Variants in SLC35F3 observed in about 807,000 individuals in gnomAD.
The protein encoded by SLC35F3 is solute carrier family 35 member F3.
A neutral mutation model predicts 49.9 loss-of-function variants in SLC35F3; 25 were observed. The ratio of observed to expected loss-of-function variants is 0.50; its 90% confidence interval spans 0.37 to 0.70. The LOEUF (loss-of-function observed/expected upper bound fraction) is 0.70. Ranked by LOEUF, SLC35F3 falls within the 30% of genes least tolerant of loss-of-function variation. The pLI is 0.00. For synonymous variants in SLC35F3, 275 were observed against 265.4 expected (o/e 1.04, Z -0.35); for missense variants, 525 against 639.8 (o/e 0.82, Z 1.94).
chr1:234,302,055 G>A (rs1668701115), intron 3 of SLC35F3, among the ~76,000 whole-genome samples: 1 of 152,262 alleles, frequency 6.6e-6, no homozygotes, highest in East Asian at 1.9e-4. Flanking sequence ...GAGGGATGAG[G>A]GAAGGGAACT....
chr1:234,304,006 C>T (rs1466890213), intron 3 of SLC35F3, among the ~76,000 whole-genome samples: 2 of 54,926 alleles, frequency 3.6e-5, no homozygotes, highest in Non-Finnish European at 6.8e-5. Context: ...TTTATCCTTC[C>T]TTCCTTCCTT....
intron 2 of SLC35F3, among the ~76,000 whole-genome samples, chr1:234,107,334 G>A (rs1004103241): frequency 3.3e-5 from 5 of 152,218 alleles, no homozygotes; most frequent in East Asian, 3.8e-4. Flanking sequence ...AGGTGTGGCT[G>A]TATAATCCCA....
At chr1:233,965,651 G>A (rs1007535504) in intron 2 of SLC35F3, among the ~76,000 whole-genome samples, 13 of 152,194 alleles carry the variant, frequency 8.5e-5, no homozygotes, top group African/African-American at 2.4e-4. Context: ...AGAAATAAAT[G>A]CTGCCAATAA....
chr1:234,076,044 A>G (rs750187004), intron 2 of SLC35F3, among the ~76,000 whole-genome samples: 3 of 152,156 alleles, frequency 2.0e-5, no homozygotes, highest in Non-Finnish European at 2.9e-5. Flanking sequence ...TCTTCTGGGT[A>G]TGTTCTTAAC....
At chr1:233,999,251 C>T (rs1030889624) in intron 2 of SLC35F3, among the ~76,000 whole-genome samples, 1 of 152,106 alleles carries the variant, frequency 6.6e-6, no homozygotes, top group Non-Finnish European at 1.5e-5. Flanking sequence ...ATATAAACTC[C>T]AGGATATTTT....
At chr1:234,261,324 A>G (rs1158344504) in intron 3 of SLC35F3, among the ~76,000 whole-genome samples, 1 of 152,218 alleles carries the variant, frequency 6.6e-6, no homozygotes, top group Non-Finnish European at 1.5e-5. Flanking sequence ...TATGGTAAAC[A>G]AGGGGTGGTT....
rs1168398409 is a variant in SLC35F3 at position 234,197,338 on chromosome 1, GA to G, written c.284-34078del. On this transcript the variant is annotated intron_variant, in intron 2 of 7. Transcript: ENST00000366618. ...AGGGGGAGGGGAAGGCCATCTGGGG[GA>G]TAAGGCTTTGTGCTGTTAGAAACTC... Among the ~76,000 whole-genome samples the G allele has an allele frequency of 2.0e-5, 3 of 152,284 alleles. No homozygotes were observed. The East Asian group carries it at 5.8e-4, about 29-fold the overall frequency.
Position 234,304,563 on chromosome 1 carries a change from G to A in SLC35F3, c.609-4538G>A, listed in dbSNP as rs74537112. ...GGATATTATCTCTCTGCCACCCCAC[G>A]CACATACCTATATAAATCCTTCCTG... On this transcript the variant is annotated intron_variant, in intron 3 of 7. Transcript: ENST00000366618. Among the ~76,000 whole-genome samples, 33 of 152,018 alleles carry A rather than the reference G, an allele frequency of 2.2e-4. No individual in the cohort carries two copies. In the East Asian group the frequency reaches 5.4e-3, roughly 25 times the overall value.
intron 2 of SLC35F3, among the ~76,000 whole-genome samples, chr1:234,192,238 GA>G (rs997766622): frequency 3.3e-5 from 5 of 152,054 alleles, no homozygotes; most frequent in African/African-American, 1.2e-4. Context: ...CAGCATATCA[GA>G]AAGATAATCC....
At chr1:233,992,516 A>G (rs1663371951) in intron 2 of SLC35F3, among the ~76,000 whole-genome samples, 1 of 152,170 alleles carries the variant, frequency 6.6e-6, no homozygotes, top group South Asian at 2.1e-4. Context: ...TTAGGAACTA[A>G]TCTGTTCCCA....
Position 234,255,620 on chromosome 1 carries a change from T to C in SLC35F3, c.608+23879T>C, listed in dbSNP as rs112399035. 1.0e-3 allele frequency among the ~76,000 whole-genome samples: 154 copies of C among 152,304 alleles called. 1 individual carries two copies. The highest frequency in any genetic ancestry group is 3.5e-3 in the African/African-American group (146 of 41,566). The stretch of plus-strand genomic sequence containing the variant: ...GAACCAAGATGTCCCTTGGAAGACA[T>C]TGAACAACCTTAAATGCATATTACT... On this transcript the variant is annotated intron_variant, in intron 3 of 7. Transcript: ENST00000366618.
rs146328715 is a variant in SLC35F3 at position 234,096,316 on chromosome 1, G to A, written c.284-135101G>A. On this transcript the variant is annotated intron_variant, in intron 2 of 7. Transcript: ENST00000366618. ...CCCAGCCTCCCTGGGAAAGCAGCCC[G>A]CTTCTCCCTCCGTTTGGCTACACAG... is the stretch of plus-strand genomic sequence containing the variant. Among the ~76,000 whole-genome samples the A allele has an allele frequency of 7.7e-4, 117 of 152,248 alleles. 1 individual carries two copies. Among genetic ancestry groups the A allele is most frequent in the African/African-American group, 2.2e-3 (93 of 41,528 alleles).
intron 2 of SLC35F3, among the ~76,000 whole-genome samples, chr1:234,013,684 TC>T (rs1663758859): frequency 6.6e-6 from 1 of 152,048 alleles, no homozygotes; most frequent in Non-Finnish European, 1.5e-5. Context: ...CACAAAGGAT[TC>T]TAAGAGATTA....
intron 2 of SLC35F3, among the ~76,000 whole-genome samples, chr1:234,217,152 C>T (rs968039727): frequency 3.3e-5 from 5 of 152,138 alleles, no homozygotes; most frequent in African/African-American, 9.7e-5. Context: ...GGAATGCAGC[C>T]AGCGAGGAAT....
chr1:234,279,570 G>A (rs1668269433), intron 3 of SLC35F3, among the ~76,000 whole-genome samples: 1 of 152,154 alleles, frequency 6.6e-6, no homozygotes, highest in Admixed American at 6.5e-5. Flanking sequence ...AAGAACATCG[G>A]CATGGTGTTC....
chr1:234,191,975 CA>C lies in SLC35F3; in HGVS notation c.284-39432del, dbSNP rs1328923285. 3.1e-4 allele frequency among the ~76,000 whole-genome samples: 46 copies of C among 146,342 alleles called. No homozygotes were observed. The East Asian group carries it at 6.7e-3, about 21-fold the overall frequency. ...CAAATAATAATTTAAAAATTACCAA[CA>C]AAAAAAAAAGTCCAGGACCAGATGG... On this transcript the variant is annotated intron_variant, in intron 2 of 7. Transcript: ENST00000366618.
intron 2 of SLC35F3, among the ~76,000 whole-genome samples, chr1:234,098,086 G>A (rs1192345154): frequency 6.7e-6 from 1 of 149,350 alleles, no homozygotes; most frequent in Non-Finnish European, 1.5e-5. Context: ...GTGTCATAGG[G>A]TGATGATGGA....
chr1:234,236,929 A>ATATATATATG, intron 3 of SLC35F3, among the ~76,000 whole-genome samples: 1 of 20,326 alleles, frequency 4.9e-5, no homozygotes, highest in Non-Finnish European at 1.0e-4. Context: ...AAAAAATTAT[A>ATATATATATG]TATATATATA....
intron 2 of SLC35F3, among the ~76,000 whole-genome samples, chr1:233,965,935 G>A (rs1361089066): frequency 6.6e-6 from 1 of 152,184 alleles, no homozygotes; most frequent in Non-Finnish European, 1.5e-5. Flanking sequence ...GGCTAGGTTG[G>A]ATATTTTCAT....
Sources: allele counts gnomAD v4.1 joint callset (sites outside exome capture counted in the v4.1 genomes callset), GRCh38; gene constraint gnomAD v4.1.1; transcripts MANE v1.5; gene names NCBI Gene and HGNC (gene_info 2026-07-23, HGNC 2026-07-21).